LRPPRC: variants seen among roughly 807,000 people sequenced by gnomAD.
The protein encoded by LRPPRC is leucine rich pentatricopeptide repeat containing.
Under a neutral mutation model 180.3 loss-of-function variants are expected in LRPPRC, and 120 were observed. That is an observed-to-expected ratio of 0.67 (90% CI 0.57 to 0.77). The LOEUF is 0.77. Among genes scored for constraint, LRPPRC ranks in the 30% least tolerant of loss-of-function variants. The probability of loss-of-function intolerance (pLI) is 0.00; values close to 1 mark genes in which losing one functional copy is unlikely to be tolerated. For missense variants in LRPPRC, 2,012 were observed against 1,657.2 expected (o/e 1.21, Z -3.72); for synonymous variants, 723 against 600.0 (o/e 1.21, Z -3.00).
chr2:43,909,710 T>C (rs1671190685), intron 30 of LRPPRC, among the ~76,000 whole-genome samples: 1 of 151,872 alleles, frequency 6.6e-6, no homozygotes, highest in Non-Finnish European at 1.5e-5. Context: ...AAGTAGGCAA[T>C]GGTTCCAAGG....
intron 11 of LRPPRC, among the ~76,000 whole-genome samples, chr2:43,968,121 T>C (rs1275658286): frequency 6.6e-6 from 1 of 152,138 alleles, no homozygotes; most frequent in Non-Finnish European, 1.5e-5. Flanking sequence ...GGCTTTGGAC[T>C]TTAAAGACCC....
chr2:43,891,871 A>T (rs1352187631), intron 36 of LRPPRC, among the ~76,000 whole-genome samples: 2 of 152,280 alleles, frequency 1.3e-5, no homozygotes, highest in African/African-American at 2.4e-5. Flanking sequence ...TTGTGAATGC[A>T]AAGGAAAAGT....
chr2:43,946,493 G>T (rs1335952145), intron 20 of LRPPRC, among the ~76,000 whole-genome samples: 1 of 151,976 alleles, frequency 6.6e-6, no homozygotes, highest in Non-Finnish European at 1.5e-5. Flanking sequence ...TGCCAAATTT[G>T]ATGTTTTAGG....
intron 1 of LRPPRC, among the ~76,000 whole-genome samples, chr2:43,991,773 C>T (rs1472960515): frequency 1.3e-5 from 2 of 152,160 alleles, no homozygotes; most frequent in Non-Finnish European, 2.9e-5. Flanking sequence ...ATTTTGAAAA[C>T]AGATTACTAA....
chr2:43,968,626 C>T lies in LRPPRC; in HGVS notation c.1370-4920G>A, dbSNP rs184192253. 3.3e-5 allele frequency among the ~76,000 whole-genome samples: 5 copies of T among 152,232 alleles called. No individual in the cohort carries two copies. In the East Asian group the frequency reaches 9.6e-4, roughly 29 times the overall value. Reference sequence around the variant, plus strand: ...AAGTCAACTAATCAAGTGAAATAAGCTAGACACAGAAAGACAATACTGTCT... The same window carrying T: ...AAGTCAACTAATCAAGTGAAATAAGTTAGACACAGAAAGACAATACTGTCT... On this transcript the variant is annotated intron_variant, in intron 11 of 37. Transcript: ENST00000260665.
intron 27 of LRPPRC, among the ~76,000 whole-genome samples, chr2:43,919,373 A>G (rs17424529): frequency 0.087 from 13,193 of 152,182 alleles, 641 homozygotes; most frequent in South Asian, 0.13. Flanking sequence ...CAAGTGTGTA[A>G]TTCTCTTTAC....
At chr2:43,961,876 G>A (rs943476215) in intron 12 of LRPPRC, among the ~76,000 whole-genome samples, 9 of 152,126 alleles carry the variant, frequency 5.9e-5, no homozygotes, top group South Asian at 2.1e-4. Context: ...CAGAAGAATC[G>A]CTTGAACCGG....
Position 43,974,656 on chromosome 2 carries a change from C to T in LRPPRC, c.967G>A (p.Glu323Lys), listed in dbSNP as rs764249363. 2.9e-5 allele frequency: 46 copies of T among 1,610,200 alleles called. No homozygotes were observed. The highest frequency in any genetic ancestry group is 3.7e-5 in the Non-Finnish European group (44 of 1,176,824). The part of the protein sequence containing the change: ...SKAGYPQYVS[E>K]ILEKVTCERR... The stretch of plus-strand genomic sequence containing the variant: ...TCACATGTAACTTTTTCCAAAATTT[C>T]TGAGACATACTGAGGATACCCAGCT... Residue 323 changes from glutamate (E) to lysine (K), a missense_variant, in exon 8 of 38, where the codon GAA (glutamate) becomes AAA (lysine). Transcript: ENST00000260665.
chr2:43,956,382 T>A (rs909704285), intron 14 of LRPPRC, among the ~76,000 whole-genome samples: 1 of 152,114 alleles, frequency 6.6e-6, no homozygotes, highest in African/African-American at 2.4e-5. Context: ...ATGTTGTGAT[T>A]TTAGAGATGA....
At chr2:43,930,384 C>T (rs935182590) in intron 25 of LRPPRC, among the ~76,000 whole-genome samples, 3 of 152,134 alleles carry the variant, frequency 2.0e-5, no homozygotes, top group African/African-American at 4.8e-5. Flanking sequence ...TTTCAAATTC[C>T]GTAACTACTA....
chr2:43,977,990 A>G (rs974944777), intron 3 of LRPPRC, among the ~76,000 whole-genome samples: 1 of 152,168 alleles, frequency 6.6e-6, no homozygotes, highest in Non-Finnish European at 1.5e-5. Flanking sequence ...TGGGGGTGAG[A>G]GTATGTGATT....
At position 43,943,694 on chromosome 2, in the gene LRPPRC, A is replaced by G. The variant is rs779051395; in HGVS notation, c.2497T>C (p.Leu833=). Residue 833 remains leucine, a synonymous_variant, in exon 23 of 38, where the codon TTG becomes CTG. Coordinates refer to ENST00000260665, the MANE Select transcript of LRPPRC (RefSeq NM_133259.4). ...NISFPLVTVH[L]EKGDLSTALE... is the part of the protein sequence containing the mutation. ...AAAATTCAATTAACTTACTTTTCCA[A>G]GTGTACAGTGACCAATGGGAAACTT... The G allele has an allele frequency of 1.9e-6, 3 of 1,612,128 alleles. No individual in the cohort carries two copies.
chr2:43,926,763 A>G (rs1671894091), intron 25 of LRPPRC, among the ~76,000 whole-genome samples: 1 of 152,228 alleles, frequency 6.6e-6, no homozygotes, highest in Non-Finnish European at 1.5e-5. Flanking sequence ...AATGTTACAC[A>G]AAGTAACAGT....
chr2:43,921,817 T>A (rs1409865879), intron 27 of LRPPRC, among the ~76,000 whole-genome samples: 1 of 152,186 alleles, frequency 6.6e-6, no homozygotes. Context: ...TGGCTATACA[T>A]ACTTGAAGAA....
chr2:43,992,811 G>A (rs998505484), intron 1 of LRPPRC, among the ~76,000 whole-genome samples: 1 of 152,156 alleles, frequency 6.6e-6, no homozygotes, highest in African/African-American at 2.4e-5. Context: ...GAAGAAGGAG[G>A]GGTCCAATTT....
intron 27 of LRPPRC, among the ~76,000 whole-genome samples, chr2:43,919,521 T>C (rs939489196): frequency 6.6e-6 from 1 of 152,214 alleles, no homozygotes; most frequent in Non-Finnish European, 1.5e-5. Flanking sequence ...GATAATGTTA[T>C]CAGACTATTA....
chr2:43,899,102 C>T (rs1020645766), intron 34 of LRPPRC, 117 bp downstream of exon 34: 24 of 737,876 alleles, frequency 3.3e-5, no homozygotes, highest in Non-Finnish European at 5.3e-5. Flanking sequence ...TGTAAACAAG[C>T]TAGCTGCACA....
chr2:43,930,512 C>T (rs13428443), intron 25 of LRPPRC, among the ~76,000 whole-genome samples: 45,132 of 152,066 alleles, frequency 0.3, 8,212 homozygotes, highest in East Asian at 0.95. Flanking sequence ...ATTCGAAAAT[C>T]CAAAATCTTG....
At chr2:43,938,797 T>C (rs1175737677) in intron 23 of LRPPRC, among the ~76,000 whole-genome samples, 1 of 152,222 alleles carries the variant, frequency 6.6e-6, no homozygotes. Flanking sequence ...CATGTACTCC[T>C]AAAACTCATA....
Sources: gnomAD v4.1 joint callset for allele counts (sites outside exome capture counted in the v4.1 genomes callset) on GRCh38, gnomAD v4.1.1 for gene constraint, MANE v1.5 for transcripts, NCBI Gene and HGNC (gene_info 2026-07-23, HGNC 2026-07-21) for gene names.